Variants in CDH20 observed in about 807,000 individuals in gnomAD.
CDH20 encodes the protein cadherin-20.
Under a neutral mutation model 74.2 loss-of-function variants are expected in CDH20, and 29 were observed. The observed-to-expected ratio is 0.39, with a 90% CI of 0.29 to 0.53. The LOEUF (loss-of-function observed/expected upper bound fraction) is 0.53. Ranked by LOEUF, CDH20 falls within the 20% of genes least tolerant of loss-of-function variation. The pLI, the probability that CDH20 is intolerant of heterozygous loss-of-function variation, is 0.69. For missense variants in CDH20, 988 were observed against 1,048.3 expected (o/e 0.94, Z 0.79); for synonymous variants, 469 against 405.4 (o/e 1.16, Z -1.88).
intron 9 of CDH20, among the ~76,000 whole-genome samples, chr18:61,544,427 G>T (rs1183406359): frequency 1.3e-5 from 2 of 152,370 alleles, no homozygotes; most frequent in East Asian, 1.9e-4. Context: ...CTTGCCCAGT[G>T]AACTGGAAAA....
intron 1 of CDH20, among the ~76,000 whole-genome samples, chr18:61,374,390 C>A (rs558553848): frequency 5.3e-5 from 8 of 152,128 alleles, no homozygotes; most frequent in Admixed American, 4.6e-4. Flanking sequence ...AAACAAAAAA[C>A]AAAGTACAAC....
At chr18:61,419,010 C>T (rs1240668292) in intron 1 of CDH20, among the ~76,000 whole-genome samples, 1 of 152,096 alleles carries the variant, frequency 6.6e-6, no homozygotes, top group Non-Finnish European at 1.5e-5. Context: ...TTCATTTTAA[C>T]TGCTGCATGG....
intron 1 of CDH20, among the ~76,000 whole-genome samples, chr18:61,411,760 T>C (rs1376109783): frequency 6.6e-6 from 1 of 152,022 alleles, no homozygotes; most frequent in African/African-American, 2.4e-5. Context: ...AATTCAGGAA[T>C]GGAAAACCAA....
At chr18:61,406,842 T>C (rs1422095086) in intron 1 of CDH20, among the ~76,000 whole-genome samples, 2 of 151,522 alleles carry the variant, frequency 1.3e-5, no homozygotes, top group Admixed American at 6.6e-5. Flanking sequence ...TGGGGAAACA[T>C]CATTAAAAAC....
chr18:61,531,937 C>T (rs1315534393), intron 7 of CDH20, among the ~76,000 whole-genome samples: 1 of 152,182 alleles, frequency 6.6e-6, no homozygotes, highest in African/African-American at 2.4e-5. Context: ...TCAAACAAAC[C>T]TCTTTCCCTA....
chr18:61,512,798 T>C (rs1007414659), intron 6 of CDH20, among the ~76,000 whole-genome samples: 2 of 152,126 alleles, frequency 1.3e-5, no homozygotes, highest in Non-Finnish European at 2.9e-5. Flanking sequence ...TCAGTTTCCA[T>C]GTAGTTGAGC....
intron 6 of CDH20, among the ~76,000 whole-genome samples, chr18:61,514,777 C>T (rs1568172434): frequency 6.6e-6 from 1 of 152,022 alleles, no homozygotes; most frequent in Non-Finnish European, 1.5e-5. Context: ...TGTCAGTGTG[C>T]CTCTGCTGGG....
chr18:61,551,975 C>T (rs1436120012), intron 11 of CDH20, among the ~76,000 whole-genome samples: 1 of 152,060 alleles, frequency 6.6e-6, no homozygotes, highest in Non-Finnish European at 1.5e-5. Context: ...TCTTTTAAAC[C>T]GTACAGAAAA....
chr18:61,516,080 T>G (rs1366773897), intron 6 of CDH20, among the ~76,000 whole-genome samples: 2 of 152,192 alleles, frequency 1.3e-5, no homozygotes, highest in Non-Finnish European at 2.9e-5. Flanking sequence ...GAAAGATCCC[T>G]TTGCCTCCCT....
At chr18:61,529,678 TTTA>T (rs1475032088) in intron 7 of CDH20, among the ~76,000 whole-genome samples, 3 of 152,226 alleles carry the variant, frequency 2.0e-5, no homozygotes, top group East Asian at 1.9e-4. Flanking sequence ...CTGATCCTAA[TTTA>T]TTAATTATAT....
intron 1 of CDH20, among the ~76,000 whole-genome samples, chr18:61,461,511 T>C (rs1909773512): frequency 6.6e-6 from 1 of 152,086 alleles, no homozygotes; most frequent in African/African-American, 2.4e-5. Context: ...GCCCAAACCC[T>C]GTCTCTCCCA....
chr18:61,451,658 T>C (rs1909391126), intron 1 of CDH20, among the ~76,000 whole-genome samples: 1 of 152,020 alleles, frequency 6.6e-6, no homozygotes, highest in Non-Finnish European at 1.5e-5. Context: ...TCAGATTTAA[T>C]GGCAATAAAT....
At chr18:61,524,896 G>A (rs1225063210) in intron 6 of CDH20, among the ~76,000 whole-genome samples, 2 of 151,978 alleles carry the variant, frequency 1.3e-5, no homozygotes, top group East Asian at 1.9e-4. Context: ...ACTCCAGCCT[G>A]GGTAACAGAG....
chr18:61,340,201 T>C lies in CDH20; in HGVS notation c.-153+6374T>C, dbSNP rs78389657. On this transcript the variant is annotated intron_variant, in intron 1 of 11. Transcript: ENST00000262717. ...AACAGATGCTTGTTAGGAACTAAAT[T>C]GTCTTTAGCTAAATCTTCAGCCTTC... 6.3e-3 allele frequency among the ~76,000 whole-genome samples: 924 copies of C among 146,422 alleles called. 1 individual carries two copies. Among genetic ancestry groups the C allele is most frequent in the Non-Finnish European group, 9.6e-3 (644 of 66,868 alleles).
chr18:61,497,105 AAG>A (rs1491234695), intron 2 of CDH20, among the ~76,000 whole-genome samples: 21,654 of 138,342 alleles, frequency 0.16, 2,713 homozygotes, highest in African/African-American at 0.35. Flanking sequence ...AAAAAAAAGA[AAG>A]AAAGAAAGAA....
intron 1 of CDH20, among the ~76,000 whole-genome samples, chr18:61,470,264 C>T (rs938011521): frequency 1.3e-5 from 2 of 152,166 alleles, no homozygotes; most frequent in African/African-American, 4.8e-5. Context: ...CAACCTATCC[C>T]GTGACTGTTT....
chr18:61,491,114 T>C (rs1387667185), intron 2 of CDH20, among the ~76,000 whole-genome samples: 1 of 152,138 alleles, frequency 6.6e-6, no homozygotes, highest in East Asian at 1.9e-4. Context: ...AATGACAGAA[T>C]GGGTGAGAGG....
intron 1 of CDH20, among the ~76,000 whole-genome samples, chr18:61,464,791 A>T (rs1288253614): frequency 6.6e-6 from 1 of 152,220 alleles, no homozygotes; most frequent in South Asian, 2.1e-4. Flanking sequence ...TAATAGCCAG[A>T]CCTCTCAGAC....
intron 1 of CDH20, among the ~76,000 whole-genome samples, chr18:61,382,380 C>T (rs145630293): frequency 6.6e-6 from 1 of 152,156 alleles, no homozygotes; most frequent in Non-Finnish European, 1.5e-5. Flanking sequence ...GAGAAAAGGG[C>T]TTTGGAGTCA....
Sources: allele counts gnomAD v4.1 joint callset (sites outside exome capture counted in the v4.1 genomes callset), GRCh38; gene constraint gnomAD v4.1.1; transcripts MANE v1.5; gene names NCBI Gene and HGNC (gene_info 2026-07-23, HGNC 2026-07-21).